PMPCB: variants seen among roughly 807,000 people sequenced by gnomAD.
PMPCB encodes mitochondrial-processing peptidase subunit beta.
PMPCB carries 46 observed loss-of-function variants against 61.5 expected under a neutral mutation model. The ratio of observed to expected loss-of-function variants is 0.75; its 90% CI spans 0.59 to 0.96. PMPCB has a LOEUF of 0.96. Among genes scored for constraint, PMPCB ranks in the 40% least tolerant of loss-of-function variants. The probability of loss-of-function intolerance (pLI) is 0.00; values close to 1 mark genes in which losing one functional copy is unlikely to be tolerated. For synonymous variants in PMPCB, 191 were observed against 201.6 expected (o/e 0.95, Z 0.44); for missense variants, 590 against 602.4 (o/e 0.98, Z 0.22).
intron 4 of PMPCB, among the ~76,000 whole-genome samples, chr7:103,300,801 C>T (rs1817429618): frequency 6.6e-6 from 1 of 152,168 alleles, no homozygotes; most frequent in African/African-American, 2.4e-5. Flanking sequence ...TCTCCTGCCT[C>T]AGCCTCCTGA....
At chr7:103,316,634 G>A, downstream of PMPCB, 1 of 578,016 alleles carries the variant, frequency 1.7e-6, no homozygotes, top group South Asian at 2.2e-5. Context: ...TCTGTCATAT[G>A]TATATGTGCA....
At chr7:103,342,685 TGAAA>T in the PMPCB span, among the ~76,000 whole-genome samples, 3 of 150,988 alleles carry the variant, frequency 2.0e-5, no homozygotes, top group Non-Finnish European at 4.4e-5. Context: ...CTTGGCTCAC[TGAAA>T]GCTCCGCCTC....
chr7:103,319,974 C>G, intron 12 of PMPCB: 1 of 887,572 alleles, frequency 1.1e-6, no homozygotes, highest in Non-Finnish European at 1.8e-6. Flanking sequence ...GCGGAAATTG[C>G]AGCAAACTGA....
At chr7:103,299,835 A>G (rs1299735644) in intron 3 of PMPCB, among the ~76,000 whole-genome samples, 3 of 152,154 alleles carry the variant, frequency 2.0e-5, no homozygotes, top group Non-Finnish European at 2.9e-5. Flanking sequence ...CGGTGACGCA[A>G]TCTGCTTACT....
downstream of PMPCB, chr7:103,315,697 G>C (rs1472760876): frequency 2.9e-6 from 3 of 1,049,928 alleles, no homozygotes; most frequent in East Asian, 4.8e-5. Flanking sequence ...TAGACCCTAA[G>C]TCTTGTACGT....
chr7:103,331,906 T>G (rs1818989215), downstream of PMPCB, among the ~76,000 whole-genome samples: 1 of 152,222 alleles, frequency 6.6e-6, no homozygotes, highest in Non-Finnish European at 1.5e-5. Context: ...TTAATTCTAT[T>G]TTTAATTTTT....
the PMPCB span, chr7:103,336,672 T>G: frequency 6.6e-6 from 1 of 152,258 alleles, no homozygotes; most frequent in African/African-American, 2.4e-5. Flanking sequence ...ATAGTAAAAC[T>G]TTGCAAACAC....
In PMPCB at chr7:103,312,300, C is replaced by T. The variant is rs779781796; in HGVS notation, c.*29C>T. 7 of 1,605,758 alleles carry T rather than the reference C, an allele frequency of 4.4e-6. No individual in the cohort carries two copies. The African/African-American group carries it at 5.3e-5, about 12-fold the overall frequency. On this transcript the variant is annotated 3_prime_UTR_variant, in exon 13 of 13. Coordinates refer to ENST00000249269, the MANE Select transcript of PMPCB (RefSeq NM_004279.3). Reference sequence around the variant, plus strand: ...GCTCCTAATCAAGATTGTTTGAACACATGTATTTATAAAACAGAGCTAGAG... The same window carrying T: ...GCTCCTAATCAAGATTGTTTGAACATATGTATTTATAAAACAGAGCTAGAG...
rs189279162 is a variant in PMPCB at position 103,307,562 on chromosome 7, T to C, written c.737-34T>C. On this transcript the variant is annotated intron_variant, in intron 6 of 12. Coordinates refer to ENST00000249269, the MANE Select transcript of PMPCB (RefSeq NM_004279.3). ...GGTTTATTGTAAACTATATTGCTGC[T>C]AGATACATGTGAAAATATTTTCTTT... The C allele has an allele frequency of 8.0e-4, 975 of 1,219,832 alleles. 1 individual carries two copies. Among genetic ancestry groups the C allele is most frequent in the Non-Finnish European group, 9.7e-4 (797 of 820,786 alleles). The allele number at this position is 1,219,832 out of a possible 1,614,324, so 75.6% of individuals were successfully genotyped here.
chr7:103,343,466 CT>C, the PMPCB span, among the ~76,000 whole-genome samples: 43 of 152,326 alleles, frequency 2.8e-4, no homozygotes, highest in Non-Finnish European at 4.7e-4. Flanking sequence ...ACCAGACACT[CT>C]GGGTTTTAGA....
Position 103,322,438 on chromosome 7 carries a change from GAT to G in PMPCB, c.*1432-6492_*1432-6491del, listed in dbSNP as rs955071708. ...CGAATTATAGTTTTTTTTAAAAAAA[GAT>G]GTGAAGATTAAAGTGAAGATTAAAG... On this transcript the variant is annotated intron_variant and NMD_transcript_variant, in intron 12 of 12. Transcript: ENST00000444457. 42 of 1,316,680 alleles carry G rather than the reference GAT, an allele frequency of 3.2e-5. No homozygotes were observed. In the African/African-American group the frequency reaches 6.0e-4, roughly 19 times the overall value. 81.6% of individuals were successfully genotyped at this position (1,316,680 alleles called of 1,614,324 possible).
the PMPCB span, among the ~76,000 whole-genome samples, chr7:103,346,681 C>T: frequency 1.3e-5 from 2 of 152,156 alleles, no homozygotes; most frequent in African/African-American, 4.8e-5. Flanking sequence ...AATTTGACAC[C>T]TCTAGGTACT....
chr7:103,310,368 C>T lies in PMPCB; in HGVS notation c.1047C>T (p.Ser349=), dbSNP rs1236683759. 6.2e-7 allele frequency: 1 copy of T among 1,613,572 alleles called. No homozygotes were observed. The highest frequency in any genetic ancestry group is 2.2e-5 in the East Asian group (1 of 44,834). Residue 349 remains serine (S), a synonymous_variant, in exon 9 of 13, where the codon AGC becomes AGT. Transcript: ENST00000249269. ...QLTCHGNLCH[S]FQSFNTSYTD... is the part of the protein sequence containing the mutation. ...CTTGTCATGGCAATCTTTGCCATAGCTTTCAGTCTTTCAACACTTCCTACA... is the reference window on the plus strand; with the variant it reads ...CTTGTCATGGCAATCTTTGCCATAGTTTTCAGTCTTTCAACACTTCCTACA...
intron 12 of PMPCB, among the ~76,000 whole-genome samples, chr7:103,324,283 C>T (rs1046615011): frequency 2.0e-5 from 3 of 152,162 alleles, no homozygotes; most frequent in African/African-American, 7.2e-5. Context: ...TTTTTTACTA[C>T]TATCATGTGC....
rs189579984 is a variant in PMPCB at position 103,300,014 on chromosome 7, C to T, written c.328-164C>T. ...CTGCCTGCCTCAGCTTCTCAAAGTG[C>T]TGGGGTTACAGGTGTGAGCCATCGT... On this transcript the variant is annotated intron_variant, in intron 3 of 12. Coordinates refer to ENST00000249269, the MANE Select transcript of PMPCB (RefSeq NM_004279.3). Among the ~76,000 whole-genome samples, 536 of 152,278 alleles carry T rather than the reference C, an allele frequency of 3.5e-3. 6 individuals carry two copies. Among genetic ancestry groups the T allele is most frequent in the Middle Eastern group, 0.02 (6 of 294 alleles).
rs1329236309 is a variant in PMPCB, at chr7:103,312,269, TA to T, written c.*2del. 7 of 1,610,304 alleles carry T rather than the reference TA, an allele frequency of 4.3e-6. No individual in the cohort carries two copies. Among genetic ancestry groups the T allele is most frequent in the African/African-American group, 1.3e-5 (1 of 74,896 alleles). Reference protein sequence around the residue: ...IRSNMCWLRD* With the variant: ...IRSNMCWLRDX ...CAGTAACATGTGTTGGCTTCGTGATTAAAATGCTCCTAATCAAGATTGTTTG... is the reference window on the plus strand; with the variant it reads ...CAGTAACATGTGTTGGCTTCGTGATTAAATGCTCCTAATCAAGATTGTTTG... On this transcript the variant is annotated frameshift_variant and stop_lost, in exon 13 of 13. Coordinates refer to ENST00000249269, the MANE Select transcript of PMPCB (RefSeq NM_004279.3). LOFTEE classifies it high-confidence loss of function.
the PMPCB span, chr7:103,344,244 G>T: frequency 2.5e-6 from 1 of 393,358 alleles, no homozygotes; most frequent in Non-Finnish European, 4.6e-6. Flanking sequence ...CCGTAGGCAA[G>T]GAGATGCTTA....
exon 13 of PMPCB, chr7:103,329,131 G>A: frequency 2.5e-6 from 1 of 402,462 alleles, no homozygotes; most frequent in Non-Finnish European, 4.3e-6. Flanking sequence ...AGGAGGGGCT[G>A]TCTCAGTTTT....
At chr7:103,323,885 CTTT>C (rs1274043743) in intron 12 of PMPCB, among the ~76,000 whole-genome samples, 2 of 152,138 alleles carry the variant, frequency 1.3e-5, no homozygotes, top group African/African-American at 4.8e-5. Context: ...GCTATCTCTT[CTTT>C]GTTAGGTTTT....
Sources: allele counts gnomAD v4.1 joint callset (sites outside exome capture counted in the v4.1 genomes callset), GRCh38; gene constraint gnomAD v4.1.1; transcripts MANE v1.5; gene names NCBI Gene and HGNC (gene_info 2026-07-23, HGNC 2026-07-21).